Variants in KAT2B observed in about 807,000 individuals in gnomAD.
KAT2B encodes lysine acetyltransferase 2B.
A neutral mutation model predicts 105.9 loss-of-function variants in KAT2B; 36 were observed. That is an observed-to-expected ratio of 0.34 (90% CI 0.26 to 0.45). The LOEUF is 0.45. KAT2B is among the 20% of genes least tolerant of loss of function. The pLI, the probability that KAT2B is intolerant of heterozygous loss-of-function variation, is 1.00. For synonymous variants in KAT2B, 397 were observed against 377.9 expected (o/e 1.05, Z -0.59); for missense variants, 820 against 1,021.6 (o/e 0.80, Z 2.69).
chr3:20,079,765 CCAGCTAGCACAATGACA>C (rs1194908130), intron 2 of KAT2B, among the ~76,000 whole-genome samples: 4 of 152,138 alleles, frequency 2.6e-5, no homozygotes, highest in African/African-American at 9.7e-5. Flanking sequence ...AACATGGGGC[CCAGCTAGCACAATGACA>C]CAGCCTCCTG....
chr3:20,072,138 G>T (rs941022136), intron 1 of KAT2B, among the ~76,000 whole-genome samples, 195 bp from the exon 2 acceptor site: 1 of 152,136 alleles, frequency 6.6e-6, no homozygotes, highest in Non-Finnish European at 1.5e-5. Context: ...GACAACAAAA[G>T]AAAACAAAAA....
intron 1 of KAT2B, among the ~76,000 whole-genome samples, chr3:20,069,523 TC>T (rs1698281381): frequency 6.8e-6 from 1 of 148,024 alleles, no homozygotes; most frequent in Non-Finnish European, 1.5e-5. Flanking sequence ...TCTTTTCTTT[TC>T]TTTTCTTTTT....
intron 2 of KAT2B, among the ~76,000 whole-genome samples, chr3:20,090,254 G>C (rs750194518): frequency 1.7e-4 from 26 of 152,096 alleles, no homozygotes; most frequent in Non-Finnish European, 3.4e-4. Flanking sequence ...AAGTGGCAAG[G>C]GTGGGTATAT....
At chr3:20,053,196 T>C (rs1697945360) in intron 1 of KAT2B, among the ~76,000 whole-genome samples, 1 of 152,076 alleles carries the variant, frequency 6.6e-6, no homozygotes, top group African/African-American at 2.4e-5. Flanking sequence ...ATTTTAATCC[T>C]CTCCAACCAC....
chr3:20,054,023 C>G (rs1177816778), intron 1 of KAT2B, among the ~76,000 whole-genome samples: 1 of 152,230 alleles, frequency 6.6e-6, no homozygotes, highest in African/African-American at 2.4e-5. Flanking sequence ...GTCTCAAACT[C>G]CTGACCTCAA....
At chr3:20,145,540 A>T in intron 13 of KAT2B, among the ~76,000 whole-genome samples, 2 of 122,448 alleles carry the variant, frequency 1.6e-5, no homozygotes, top group South Asian at 2.8e-4. Flanking sequence ...TAATTTCCGG[A>T]TGGGATTTTT....
At position 20,111,759 on chromosome 3, in the gene KAT2B, C is replaced by T. The variant is rs1356338679; in HGVS notation, c.1015C>T (p.Arg339Ter). The T allele has an allele frequency of 3.1e-6, 5 of 1,613,702 alleles. No individual in the cohort carries two copies. The highest frequency in any genetic ancestry group is 3.3e-5 in the Admixed American group (2 of 59,938). Reference protein sequence around the residue: ...QEKDKLPLEKRTLILTHFPKF... With the variant: ...QEKDKLPLEK ...AAAAGATAAACTGCCTCTTGAAAAA[C>T]GAACTCTAATCCTCACTCATTTCCC... Residue 339 changes from arginine (R) to a stop codon, truncating the protein, a stop_gained, in exon 6 of 18, where the codon CGA (arginine) becomes TGA (stop). Coordinates refer to ENST00000263754, the MANE Select transcript of KAT2B (RefSeq NM_003884.5). LOFTEE classifies it high-confidence loss of function.
At chr3:20,126,479 T>C (rs551470281) in intron 10 of KAT2B, among the ~76,000 whole-genome samples, 2 of 151,928 alleles carry the variant, frequency 1.3e-5, no homozygotes, top group South Asian at 2.1e-4. Flanking sequence ...TGGGCAATTA[T>C]TGGGATATAA....
chr3:20,060,168 A>C lies in KAT2B; in HGVS notation c.304-12165A>C, dbSNP rs778424973. ...TTTAGATTATTTCTGCCTTTTGGCT[A>C]TCATGAATAATGTTGCTGAGGCATC... is the stretch of plus-strand genomic sequence containing the variant. On this transcript the variant is annotated intron_variant, in intron 1 of 17. Coordinates refer to ENST00000263754, the MANE Select transcript of KAT2B (RefSeq NM_003884.5). Among the ~76,000 whole-genome samples, 11 of 152,378 alleles carry C rather than the reference A, an allele frequency of 7.2e-5. 1 individual carries two copies. In the South Asian group the frequency reaches 1.2e-3, roughly 17 times the overall value.
At chr3:20,131,362 A>T (rs1055792492) in intron 11 of KAT2B, among the ~76,000 whole-genome samples, 2 of 151,884 alleles carry the variant, frequency 1.3e-5, no homozygotes, top group East Asian at 3.9e-4. Context: ...ATTAATGAAC[A>T]ACTTTTGAGA....
intron 5 of KAT2B, among the ~76,000 whole-genome samples, chr3:20,102,933 T>A (rs1698934859): frequency 6.6e-6 from 1 of 152,222 alleles, no homozygotes; most frequent in Admixed American, 6.5e-5. Context: ...CATGGAAGAA[T>A]TGTATAATTT....
intron 3 of KAT2B, among the ~76,000 whole-genome samples, chr3:20,095,744 C>T (rs574382422): frequency 6.6e-6 from 1 of 152,308 alleles, no homozygotes; most frequent in South Asian, 2.1e-4. Flanking sequence ...GTGGACAAAA[C>T]AGAGTTCTTC....
chr3:20,144,480 G>A (rs1435261389), intron 13 of KAT2B, among the ~76,000 whole-genome samples: 1 of 151,452 alleles, frequency 6.6e-6, no homozygotes, highest in East Asian at 1.9e-4. Flanking sequence ...TAGTAGAGAA[G>A]GGGTTTCACT....
intron 1 of KAT2B, among the ~76,000 whole-genome samples, chr3:20,046,234 A>G (rs1697808496): frequency 1.3e-5 from 2 of 152,204 alleles, no homozygotes; most frequent in South Asian, 2.1e-4. Context: ...GTTCTCGGCA[A>G]GGTGCCACAT....
At chr3:20,041,167 G>A (rs1697712310) in intron 1 of KAT2B, among the ~76,000 whole-genome samples, 2 of 152,108 alleles carry the variant, frequency 1.3e-5, no homozygotes, top group Non-Finnish European at 2.9e-5. Flanking sequence ...TCTTTTGGGG[G>A]ACTGAGTGGT....
intron 2 of KAT2B, among the ~76,000 whole-genome samples, chr3:20,094,181 T>C (rs913169421): frequency 2.0e-5 from 3 of 152,132 alleles, no homozygotes; most frequent in Non-Finnish European, 2.9e-5. Flanking sequence ...TCTGCATGGC[T>C]GGGGAGGCCT....
intron 2 of KAT2B, among the ~76,000 whole-genome samples, chr3:20,079,088 A>G (rs924128834): frequency 1.3e-5 from 2 of 149,714 alleles, no homozygotes; most frequent in Admixed American, 6.7e-5. Context: ...TTTAGTAGAG[A>G]GTGGATTTTG....
intron 1 of KAT2B, among the ~76,000 whole-genome samples, chr3:20,060,214 GAT>G (rs2125171251): frequency 6.6e-6 from 1 of 152,310 alleles, no homozygotes; most frequent in East Asian, 1.9e-4. Flanking sequence ...TCTTAGTATG[GAT>G]ATATTTCTGT....
intron 1 of KAT2B, among the ~76,000 whole-genome samples, chr3:20,042,934 C>G (rs566892095): frequency 6.6e-6 from 1 of 151,298 alleles, no homozygotes; most frequent in African/African-American, 2.4e-5. Flanking sequence ...GGGTCTCACT[C>G]TGCCACGTAG....
Sources: gnomAD v4.1 joint callset for allele counts (sites outside exome capture counted in the v4.1 genomes callset) on GRCh38, gnomAD v4.1.1 for gene constraint, MANE v1.5 for transcripts, NCBI Gene and HGNC (gene_info 2026-07-23, HGNC 2026-07-21) for gene names.